Variants in CLSTN2 observed in about 807,000 individuals in gnomAD.
The protein encoded by CLSTN2 is calsyntenin-2.
Under a neutral mutation model 101.2 loss-of-function variants are expected in CLSTN2, and 48 were observed. The observed-to-expected ratio is 0.47, with a 90% CI of 0.38 to 0.60. CLSTN2 has a LOEUF of 0.60. Ranked by LOEUF, CLSTN2 falls within the 20% of genes least tolerant of loss-of-function variation. The pLI is 0.00. For missense variants in CLSTN2, 1,160 were observed against 1,238.2 expected, an observed-to-expected ratio of 0.94 and a Z score of 0.95; for synonymous variants, 481 against 463.6, an observed-to-expected ratio of 1.04 and a Z score of -0.48.
intron 2 of CLSTN2, among the ~76,000 whole-genome samples, chr3:140,327,694 G>A (rs1221961968): frequency 6.6e-6 from 1 of 152,164 alleles, no homozygotes; most frequent in African/African-American, 2.4e-5. Context: ...TTCCTCATCT[G>A]TCAAGTGAAT....
chr3:140,289,061 G>A (rs2086925298), intron 2 of CLSTN2, among the ~76,000 whole-genome samples: 2 of 152,114 alleles, frequency 1.3e-5, no homozygotes, highest in Admixed American at 1.3e-4. Flanking sequence ...CTTGAGTATG[G>A]TACATGTTAT....
chr3:140,546,674 G>A lies in CLSTN2; in HGVS notation c.1667G>A (p.Gly556Glu). 6.2e-7 allele frequency: 1 copy of A among 1,611,718 alleles called. No homozygotes were observed. The highest frequency in any genetic ancestry group is 8.5e-7 in the Non-Finnish European group (1 of 1,179,292). The stretch of plus-strand genomic sequence containing the variant: ...AATTCCTTGGAAAGCCTTGGCCAAG[G>A]AATAAAGGTAAGGCAGGAGCTGGCA... ...DINSLESLGQ[G>E]IKYHFNPSQS... Residue 556 changes from glycine to glutamate, a missense_variant, in exon 10 of 17, where the codon GGA (glycine) becomes GAA (glutamate). Coordinates refer to ENST00000458420, the MANE Select transcript of CLSTN2 (RefSeq NM_022131.3).
intron 2 of CLSTN2, among the ~76,000 whole-genome samples, chr3:140,248,623 G>A (rs572327867): frequency 1.8e-4 from 27 of 152,300 alleles, no homozygotes; most frequent in South Asian, 8.3e-4. Flanking sequence ...TGAAGGACTC[G>A]TTAGTTAATA....
intron 1 of CLSTN2, among the ~76,000 whole-genome samples, chr3:140,099,972 G>A (rs1560094470): frequency 6.6e-6 from 1 of 152,106 alleles, no homozygotes; most frequent in Non-Finnish European, 1.5e-5. Context: ...GGTGTTGCAG[G>A]GCAATGGCTG....
At chr3:140,429,299 G>A (rs369970646) in intron 5 of CLSTN2, among the ~76,000 whole-genome samples, 3 of 152,266 alleles carry the variant, frequency 2.0e-5, no homozygotes, top group East Asian at 3.9e-4. Context: ...ATTATAGAAG[G>A]AGATGATAGA....
chr3:140,442,076 T>G (rs1338440964), intron 5 of CLSTN2, among the ~76,000 whole-genome samples: 1 of 152,194 alleles, frequency 6.6e-6, no homozygotes, highest in Non-Finnish European at 1.5e-5. Flanking sequence ...AATGCTATAT[T>G]AACCATGCCT....
At chr3:140,412,665 T>C (rs936031726) in intron 4 of CLSTN2, among the ~76,000 whole-genome samples, 1 of 152,152 alleles carries the variant, frequency 6.6e-6, no homozygotes, top group African/African-American at 2.4e-5. Flanking sequence ...CATTAAGTCT[T>C]ACATTTAAGA....
At chr3:140,541,684 C>G (rs1335725325) in intron 9 of CLSTN2, among the ~76,000 whole-genome samples, 1 of 152,174 alleles carries the variant, frequency 6.6e-6, no homozygotes, top group Non-Finnish European at 1.5e-5. Context: ...AGGGCTCAGC[C>G]CAGGAAGCAG....
chr3:140,548,026 G>C (rs1167298112), intron 10 of CLSTN2, among the ~76,000 whole-genome samples: 1 of 152,196 alleles, frequency 6.6e-6, no homozygotes, highest in African/African-American at 2.4e-5. Flanking sequence ...GCCCTGCCTT[G>C]GGCCTGCCTC....
At chr3:140,115,783 T>A (rs1217613560) in intron 1 of CLSTN2, among the ~76,000 whole-genome samples, 1 of 152,206 alleles carries the variant, frequency 6.6e-6, no homozygotes, top group Non-Finnish European at 1.5e-5. Flanking sequence ...ATCCTATTGT[T>A]CTCCTTGAAA....
intron 8 of CLSTN2, 71 bp downstream of exon 8, chr3:140,466,802 T>C: frequency 1.2e-6 from 2 of 1,600,214 alleles, no homozygotes; most frequent in Middle Eastern, 2.1e-4. Flanking sequence ...CCAATGGTGA[T>C]GGCAGTGGGG....
At chr3:140,127,057 A>G (rs5020884) in intron 1 of CLSTN2, among the ~76,000 whole-genome samples, 1,133 of 97,854 alleles carry the variant, frequency 0.012, 9 homozygotes, top group African/African-American at 0.045. Flanking sequence ...TATGTATCAT[A>G]TGTCATATAT....
intron 1 of CLSTN2, among the ~76,000 whole-genome samples, chr3:140,079,758 A>G (rs1402978928): frequency 6.7e-6 from 1 of 149,846 alleles, no homozygotes; most frequent in Admixed American, 6.6e-5. Flanking sequence ...CTCAAAAAAA[A>G]AAAGAAAGAA....
At chr3:140,081,430 A>T (rs2008597844) in intron 1 of CLSTN2, among the ~76,000 whole-genome samples, 1 of 152,216 alleles carries the variant, frequency 6.6e-6, no homozygotes, top group Non-Finnish European at 1.5e-5. Flanking sequence ...CTTGAAAGGG[A>T]TAAAGATTAC....
At chr3:140,153,609 G>A (rs543129835) in intron 1 of CLSTN2, among the ~76,000 whole-genome samples, 15 of 152,348 alleles carry the variant, frequency 9.8e-5, no homozygotes, top group African/African-American at 2.4e-4. Flanking sequence ...ACAAGGGGCC[G>A]TTCTCAAATT....
chr3:140,137,248 G>A (rs2107807171), intron 1 of CLSTN2, among the ~76,000 whole-genome samples: 1 of 152,120 alleles, frequency 6.6e-6, no homozygotes, highest in East Asian at 1.9e-4. Flanking sequence ...TGGGGGCTGG[G>A]GACTTTTGCA....
At chr3:140,121,315 G>T (rs1387520138) in intron 1 of CLSTN2, among the ~76,000 whole-genome samples, 1 of 152,144 alleles carries the variant, frequency 6.6e-6, no homozygotes, top group Non-Finnish European at 1.5e-5. Flanking sequence ...CGTGAAATGG[G>T]TATTGTGTAG....
chr3:140,098,361 C>T (rs2008906475), intron 1 of CLSTN2, among the ~76,000 whole-genome samples: 1 of 152,154 alleles, frequency 6.6e-6, no homozygotes, highest in African/African-American at 2.4e-5. Flanking sequence ...TAAGCCTTTT[C>T]CACACCATTA....
At chr3:140,005,920 G>A (rs1031860308) in intron 1 of CLSTN2, among the ~76,000 whole-genome samples, 2 of 152,174 alleles carry the variant, frequency 1.3e-5, no homozygotes, top group Non-Finnish European at 1.5e-5. Flanking sequence ...ATGCCAGAAT[G>A]GTGATAGCCA....
Sources: allele counts gnomAD v4.1 joint callset (sites outside exome capture counted in the v4.1 genomes callset), GRCh38; gene constraint gnomAD v4.1.1; transcripts MANE v1.5; gene names NCBI Gene and HGNC (gene_info 2026-07-23, HGNC 2026-07-21).